The following CYB5R3 variants were observed in gnomAD, a reference collection of about 807,000 sequenced individuals.
CYB5R3 encodes cytochrome b5 reductase 3.
Under a neutral mutation model 36.5 loss-of-function variants are expected in CYB5R3, and 28 were observed. The ratio of observed to expected loss-of-function variants is 0.77; its 90% confidence interval spans 0.57 to 1.05. CYB5R3 has a LOEUF of 1.05. Among genes scored for constraint, CYB5R3 ranks in the 50% least tolerant of loss-of-function variants. The probability of loss-of-function intolerance (pLI) is 0.00; values close to 1 mark genes in which losing one functional copy is unlikely to be tolerated. For synonymous variants in CYB5R3, 181 were observed against 159.8 expected, an observed-to-expected ratio of 1.13 and a Z score of -1.00; for missense variants, 474 against 408.9, an observed-to-expected ratio of 1.16 and a Z score of -1.37.
chr22:42,627,832 A>C lies in CYB5R3; in HGVS notation c.464-144T>G. 4 of 747,832 alleles carry C rather than the reference A, an allele frequency of 5.3e-6. No individual in the cohort carries two copies. In the South Asian group the frequency reaches 5.8e-5, roughly 11 times the overall value. The allele number at this position is 747,832 out of a possible 1,614,324, so 46.3% of individuals were successfully genotyped here. ...GCCATTCTAACGCGAGCCATGAGGA[A>C]GGTGCAGGAGCAGTGGAGAGGCTGG... is the stretch of plus-strand genomic sequence containing the variant. On this transcript the variant is annotated intron_variant, in intron 5 of 8. Transcript: ENST00000352397.
At chr22:42,634,689 G>C (rs1197567941) in intron 2 of CYB5R3, among the ~76,000 whole-genome samples, 1 of 143,530 alleles carries the variant, frequency 7.0e-6, no homozygotes, top group South Asian at 2.2e-4. Context: ...GCAGTGGCAC[G>C]ATCTCGGCTC....
intron 4 of CYB5R3, among the ~76,000 whole-genome samples, chr22:42,629,729 G>A (rs1652999677): frequency 6.6e-6 from 1 of 152,178 alleles, no homozygotes; most frequent in East Asian, 1.9e-4. Context: ...GGCCTTGATT[G>A]GGGAGGGTCT....
intron 1 of CYB5R3, chr22:42,639,701 T>C (rs917461058): frequency 4.8e-6 from 2 of 415,464 alleles, no homozygotes; most frequent in African/African-American, 2.0e-5. Flanking sequence ...CCTGTAATTA[T>C]TCTGTGGTTA....
intron 4 of CYB5R3, among the ~76,000 whole-genome samples, chr22:42,629,484 G>A (rs954271210): frequency 1.3e-5 from 2 of 152,212 alleles, no homozygotes; most frequent in African/African-American, 4.8e-5. Context: ...GTCCCCTGCA[G>A]GGAGCACTGG....
rs771453342 is a variant in CYB5R3 at position 42,627,380 on chromosome 22, G to A, written c.557C>T (p.Pro186Leu). The A allele has an allele frequency of 6.2e-7, 1 of 1,613,604 alleles. No individual in the cohort carries two copies. The highest frequency in any genetic ancestry group is 8.5e-7 in the Non-Finnish European group (1 of 1,179,874). Residue 186 changes from proline (P) to leucine (L), a missense_variant, in exon 7 of 9, where the codon CCG becomes CTG. Pro to Leu is a moderately conservative substitution (Grantham distance 98). Transcript: ENST00000352397. ...GMIAGGTGIT[P>L]MLQVIRAIMK... ...GATGGCGCGGATCACCTGCAGCATC[G>A]GGGTGATGCCTGCAAAATAGCCGGC...
At chr22:42,629,712 G>A (rs1424542823) in intron 4 of CYB5R3, among the ~76,000 whole-genome samples, 2 of 152,178 alleles carry the variant, frequency 1.3e-5, no homozygotes, top group African/African-American at 2.4e-5. Context: ...GGAGGCTATA[G>A]GGCTTTGGCC....
At chr22:42,623,549 A>G (rs547601202) in intron 8 of CYB5R3, among the ~76,000 whole-genome samples, 96 of 152,274 alleles carry the variant, frequency 6.3e-4, no homozygotes, top group African/African-American at 2.2e-3. Context: ...CGCCCGGGAA[A>G]GGACTCTGCC....
At chr22:42,626,782 G>C (rs1928291737) in intron 7 of CYB5R3, among the ~76,000 whole-genome samples, 2 of 152,164 alleles carry the variant, frequency 1.3e-5, no homozygotes, top group African/African-American at 4.8e-5. Flanking sequence ...AGGGAGTGAA[G>C]CTCAGAGAGG....
intron 1 of CYB5R3, 103 bp downstream of exon 1, chr22:42,649,192 G>C: frequency 2.3e-6 from 1 of 440,896 alleles, no homozygotes; most frequent in Non-Finnish European, 3.2e-6. Context: ...GGCCGGGTGC[G>C]GCCCGGGTCC....
At chr22:42,622,147 C>T (rs558671985) in intron 8 of CYB5R3, among the ~76,000 whole-genome samples, 2 of 152,282 alleles carry the variant, frequency 1.3e-5, no homozygotes, top group South Asian at 2.1e-4. Context: ...GTCTCGATCT[C>T]TTGACCTCAT....
chr22:42,619,920 C>T lies in CYB5R3; in HGVS notation c.759G>A (p.Val253=), dbSNP rs1265533867. The change falls in exon 9 of 9, where the codon GTG becomes GTA. Residue 253 remains valine (V), a synonymous_variant. Transcript: ENST00000352397. ...GGTGGTCCCGGATCATCTCCTCATT[C>T]ACGAAGCCCTGGCCGTAGTCCCAGG... is the stretch of plus-strand genomic sequence containing the variant. ...PEAWDYGQGF[V]NEEMIRDHLP... is the part of the protein sequence containing the mutation. 20 of 1,606,096 alleles carry T rather than the reference C, an allele frequency of 1.2e-5. No homozygotes were observed. Among genetic ancestry groups the T allele is most frequent in the Non-Finnish European group, 1.6e-5 (19 of 1,176,386 alleles).
intron 1 of CYB5R3, chr22:42,644,526 C>A (rs760949398): frequency 2.8e-6 from 4 of 1,434,448 alleles, no homozygotes; most frequent in Non-Finnish European, 2.8e-6. Context: ...GAGCCTAGCT[C>A]AAACATCAAA....
chr22:42,630,667 G>C (rs1928559215), intron 4 of CYB5R3, among the ~76,000 whole-genome samples: 1 of 152,214 alleles, frequency 6.6e-6, no homozygotes. Flanking sequence ...AGGGAGCACT[G>C]GGTCTTTGGA....
At chr22:42,623,966 C>T (rs1276400942) in intron 7 of CYB5R3, 78 bp from the exon 8 acceptor site, 17 of 1,294,500 alleles carry the variant, frequency 1.3e-5, no homozygotes, top group East Asian at 9.4e-5. Context: ...AGACGCGCCT[C>T]GTCATCGCGC....
chr22:42,639,070 T>C (rs762613273), intron 1 of CYB5R3: 3 of 426,886 alleles, frequency 7.0e-6, no homozygotes, highest in South Asian at 5.0e-5. Context: ...TAGCTCACAC[T>C]TGTAATCTGA....
intron 1 of CYB5R3, chr22:42,640,046 C>T (rs755475458): frequency 2.1e-5 from 34 of 1,613,538 alleles, no homozygotes; most frequent in Non-Finnish European, 2.6e-5. Flanking sequence ...GCCACCAAAC[C>T]GTTCAGCAAA....
intron 1 of CYB5R3, chr22:42,646,959 G>C: frequency 1.2e-5 from 12 of 985,544 alleles, no homozygotes; most frequent in Non-Finnish European, 1.4e-5. Flanking sequence ...CAGGATGGCA[G>C]ACCAAGCTCC....
chr22:42,627,087 A>C (rs1307050404), intron 7 of CYB5R3, among the ~76,000 whole-genome samples: 1 of 152,110 alleles, frequency 6.6e-6, no homozygotes, highest in East Asian at 1.9e-4. Flanking sequence ...GCTCCCCGCA[A>C]GGCAGCCCCC....
intron 1 of CYB5R3, among the ~76,000 whole-genome samples, chr22:42,643,129 C>T (rs1929366407): frequency 6.6e-6 from 1 of 152,194 alleles, no homozygotes; most frequent in African/African-American, 2.4e-5. Flanking sequence ...CAAGGCCTAG[C>T]CCCATTGCCC....
Sources: allele counts gnomAD v4.1 joint callset (sites outside exome capture counted in the v4.1 genomes callset), GRCh38; gene constraint gnomAD v4.1.1; transcripts MANE v1.5; gene names NCBI Gene and HGNC (gene_info 2026-07-23, HGNC 2026-07-21).